Variants in CEP290 observed in about 807,000 individuals in gnomAD.
CEP290 encodes centrosomal protein 290, also known as centrosomal protein of 290 kDa.
A neutral mutation model predicts 344.9 loss-of-function variants in CEP290; 317 were observed. The ratio of observed to expected loss-of-function variants is 0.92; its 90% CI spans 0.84 to 1.01. The LOEUF (loss-of-function observed/expected upper bound fraction) is 1.01. Among genes scored for constraint, CEP290 ranks in the 50% least tolerant of loss-of-function variants. The pLI is 0.00. For missense variants in CEP290, 2,754 were observed against 2,761.4 expected, an observed-to-expected ratio of 1.00 and a Z score of 0.06; for synonymous variants, 932 against 895.8, an observed-to-expected ratio of 1.04 and a Z score of -0.72.
In CEP290 at chr12:88,129,000, A is replaced by G. The variant is rs750455700; in HGVS notation, c.888T>C (p.Asn296=). The G allele has an allele frequency of 1.3e-6, 2 of 1,531,518 alleles. No individual in the cohort carries two copies. The highest frequency in any genetic ancestry group is 1.7e-6 in the Non-Finnish European group (2 of 1,149,728). The allele number at this position is 1,531,518 out of a possible 1,614,324, so 94.9% of individuals were successfully genotyped here. The change falls in exon 11 of 54, where the codon AAT becomes AAC. Residue 296 remains asparagine (N), a synonymous_variant. Coordinates refer to ENST00000552810, the MANE Select transcript of CEP290 (RefSeq NM_025114.4). ...QELTDLLKSK[N]EEDDPIMVAV... ...CTACCATAATTGGATCATCTTCTTC[A>G]TTTTTTGATTTCAGAAGATCTGTAA...
chr12:88,102,753 T>C, intron 26 of CEP290, 85 bp downstream of exon 26: 1 of 1,077,408 alleles, frequency 9.3e-7, no homozygotes. Flanking sequence ...CAAACTTTAA[T>C]TAAAATCTGC....
At chr12:88,135,146 G>A (rs1225097089) in intron 6 of CEP290, among the ~76,000 whole-genome samples, 1 of 152,114 alleles carries the variant, frequency 6.6e-6, no homozygotes, top group Non-Finnish European at 1.5e-5. Context: ...GCAGCCTCTG[G>A]TATGCTGTAA....
chr12:88,084,884 A>G (rs1329224164), intron 34 of CEP290, 32 bp from the exon 35 acceptor site: 2 of 1,435,894 alleles, frequency 1.4e-6, no homozygotes, highest in Non-Finnish European at 1.8e-6. Flanking sequence ...AAATCATTAA[A>G]GTATCTTTTT....
chr12:88,051,045 T>C (rs1347216967), intron 52 of CEP290, among the ~76,000 whole-genome samples: 1 of 152,200 alleles, frequency 6.6e-6, no homozygotes, highest in African/African-American at 2.4e-5. Flanking sequence ...ATAGGATTTT[T>C]GCTTTAATGC....
At chr12:88,057,535 A>G (rs978093134) in intron 49 of CEP290, among the ~76,000 whole-genome samples, 3 of 152,152 alleles carry the variant, frequency 2.0e-5, no homozygotes, top group Non-Finnish European at 4.4e-5. Context: ...CTCCCACTCC[A>G]TATCATCACA....
rs2138101663 is a variant in CEP290 at position 88,130,554 on chromosome 12, T to C, written c.507A>G (p.Leu169=). Residue 169 remains leucine, a synonymous_variant, in exon 8 of 54, where the codon CTA becomes CTG. Coordinates refer to ENST00000552810, the MANE Select transcript of CEP290 (RefSeq NM_025114.4). Reference sequence around the variant, plus strand: ...ACACTTAAAGCCTCACCTTTTTCTTTAGACGTTTGTTCTACAGAAAAGGAC... The same window carrying C: ...ACACTTAAAGCCTCACCTTTTTCTTCAGACGTTTGTTCTACAGAAAAGGAC... The part of the protein sequence containing the change: ...NSKLRRENKR[L]KKKNEQLCQD... 1 of 1,591,136 alleles carries C rather than the reference T, an allele frequency of 6.3e-7. No homozygotes were observed. The highest frequency in any genetic ancestry group is 1.2e-5 in the South Asian group (1 of 86,058).
chr12:88,121,495 A>AT (rs1398997879), intron 13 of CEP290, among the ~76,000 whole-genome samples: 1 of 151,854 alleles, frequency 6.6e-6, no homozygotes, highest in Non-Finnish European at 1.5e-5. Context: ...AAAACTATGG[A>AT]TTTTTAGCTT....
Position 88,093,973 on chromosome 12 carries a change from T to C in CEP290, c.3106A>G (p.Asn1036Asp). ...QAWEQETKLG[N>D]ESSMDKAKKS... ...TTTGCCTTATCCATGCTAGATTCAT[T>C]ACCTACATGCAATAATATTTAAGTC... is the stretch of plus-strand genomic sequence containing the variant. The change falls in exon 28 of 54, where the codon AAT becomes GAT. Residue 1036 changes from asparagine (N) to aspartate (D), a missense_variant and splice_region_variant. Physicochemically the swap from Asn to Asp is conservative, Grantham distance 23. Coordinates refer to ENST00000552810, the MANE Select transcript of CEP290 (RefSeq NM_025114.4). 6.3e-7 allele frequency: 1 copy of C among 1,596,176 alleles called. No individual in the cohort carries two copies. The highest frequency in any genetic ancestry group is 8.5e-7 in the Non-Finnish European group (1 of 1,171,224).
chr12:88,070,476 CT>C (rs1024546283), intron 43 of CEP290, among the ~76,000 whole-genome samples: 2 of 151,556 alleles, frequency 1.3e-5, no homozygotes, highest in African/African-American at 2.4e-5. Flanking sequence ...AAACACCTCA[CT>C]TTTTTTTTCT....
chr12:88,121,127 T>C lies in CEP290; in HGVS notation c.1229A>G (p.Gln410Arg), dbSNP rs750012169. The C allele has an allele frequency of 1.9e-6, 3 of 1,613,426 alleles. No individual in the cohort carries two copies. Among genetic ancestry groups the C allele is most frequent in the Non-Finnish European group, 2.5e-6 (3 of 1,179,640 alleles). Reference sequence around the variant, plus strand: ...CTCTTTTAAAATGTCTAACGTTGACTGAATTTTCATATGAGTCTGTTGAGA... The same window carrying C: ...CTCTTTTAAAATGTCTAACGTTGACCGAATTTTCATATGAGTCTGTTGAGA... ...TLSQQTHMKIQSTLDILKEKT... is the reference protein window; with the variant it reads ...TLSQQTHMKIRSTLDILKEKT... The change falls in exon 14 of 54, where the codon CAG (glutamine) becomes CGG (arginine). Residue 410 changes from glutamine (Q) to arginine (R), a missense_variant. Physicochemically the swap from Gln to Arg is conservative, Grantham distance 43. Coordinates refer to ENST00000552810, the MANE Select transcript of CEP290 (RefSeq NM_025114.4).
chr12:88,102,176 T>G (rs990283350), intron 26 of CEP290, among the ~76,000 whole-genome samples: 9 of 152,214 alleles, frequency 5.9e-5, no homozygotes, highest in African/African-American at 2.2e-4. Flanking sequence ...AGAGTTCAAG[T>G]GGCTGTAAGA....
intron 45 of CEP290, among the ~76,000 whole-genome samples, 160 bp downstream of exon 45, chr12:88,063,821 A>G (rs1444163772): frequency 2.0e-5 from 3 of 152,130 alleles, no homozygotes; most frequent in African/African-American, 7.2e-5. Flanking sequence ...GTAGGCCTTC[A>G]ACAAATAAAT....
At chr12:88,136,585 T>C in intron 6 of CEP290, 58 bp downstream of exon 6, 1 of 1,522,672 alleles carries the variant, frequency 6.6e-7, no homozygotes. Flanking sequence ...TTACCAATAA[T>C]AATAAAAAGC....
In CEP290 at chr12:88,086,184, A is replaced by G. The variant is rs1177202330; in HGVS notation, c.4303-11T>C. On this transcript the variant is annotated splice_polypyrimidine_tract_variant and intron_variant, in intron 33 of 53. Transcript: ENST00000552810. ...TGTAGCTTCTTCAAACTATTAAGAA[A>G]TAGTATGTTTTTTAAAAAAGCAGTT... is the stretch of plus-strand genomic sequence containing the variant. The G allele has an allele frequency of 6.2e-7, 1 of 1,601,902 alleles. No homozygotes were observed. The highest frequency in any genetic ancestry group is 1.3e-5 in the African/African-American group (1 of 74,182).
In CEP290 at chr12:88,062,649, C is replaced by G. The variant is rs778487964; in HGVS notation, c.6357+43G>C. On this transcript the variant is annotated intron_variant, in intron 46 of 53. Transcript: ENST00000552810. ...TCTAAACTTTTCATTTCTGGCTTAT[C>G]ACTGCTGAAACCAAAACAAATGTAT... 4.6e-6 allele frequency: 6 copies of G among 1,306,104 alleles called. No individual in the cohort carries two copies. In the South Asian group the frequency reaches 6.3e-5, roughly 14 times the overall value. The allele number at this position is 1,306,104 out of a possible 1,614,324, so 80.9% of individuals were successfully genotyped here. A position where few individuals can be genotyped will look rare whatever the true frequency, so the allele number is the denominator to read the frequency against.
At chr12:88,117,582 G>C (rs899238434) in intron 17 of CEP290, among the ~76,000 whole-genome samples, 3 of 152,034 alleles carry the variant, frequency 2.0e-5, no homozygotes, top group African/African-American at 7.2e-5. Context: ...TGGGGATTTG[G>C]GGCAAGTGAA....
At chr12:88,100,296 C>CCT (rs951853510) in intron 26 of CEP290, among the ~76,000 whole-genome samples, 3 of 151,810 alleles carry the variant, frequency 2.0e-5, no homozygotes, top group African/African-American at 7.3e-5. Flanking sequence ...AAAAAAGAAT[C>CCT]CTCTTCTTGA....
At position 88,058,946 on chromosome 12, in the gene CEP290, T is replaced by G. The variant is rs751895513; in HGVS notation, c.6720A>C (p.Gln2240His). ...LEILNEKMTV[Q>H]LEETGKRLQF... ...GCAATCTCTTACCAGTCTCTTCTAG[T>G]TGAACTGTCATCTTCTCATTTAATA... Residue 2240 changes from glutamine (Q) to histidine (H), a missense_variant, in exon 49 of 54, where the codon CAA becomes CAC. Gln to His is a conservative substitution (Grantham distance 24). Coordinates refer to ENST00000552810, the MANE Select transcript of CEP290 (RefSeq NM_025114.4). 6.2e-7 allele frequency: 1 copy of G among 1,613,818 alleles called. No individual in the cohort carries two copies. The highest frequency in any genetic ancestry group is 1.7e-5 in the Admixed American group (1 of 60,026).
At chr12:88,068,349 G>C (rs1342419721) in intron 44 of CEP290, among the ~76,000 whole-genome samples, 173 bp downstream of exon 44, 2 of 151,868 alleles carry the variant, frequency 1.3e-5, no homozygotes, top group Non-Finnish European at 2.9e-5. Flanking sequence ...TGTTAAAAAG[G>C]ATTAAATAAA....
Sources: gnomAD v4.1 joint callset for allele counts (sites outside exome capture counted in the v4.1 genomes callset) on GRCh38, gnomAD v4.1.1 for gene constraint, MANE v1.5 for transcripts, NCBI Gene and HGNC (gene_info 2026-07-23, HGNC 2026-07-21) for gene names.